The following CYP2A13 variants were observed in gnomAD, a reference collection of about 807,000 sequenced individuals.
CYP2A13 encodes cytochrome P450 family 2 subfamily A member 13.
In CYP2A13, 30 loss-of-function variants were observed where a neutral mutation model predicts 39.4. The ratio of observed to expected loss-of-function variants is 0.76; its 90% CI spans 0.57 to 1.03. The LOEUF is 1.03. Among genes scored for constraint, CYP2A13 ranks in the 50% least tolerant of loss-of-function variants. The pLI is 0.00. For missense variants in CYP2A13, 731 were observed against 648.4 expected, an observed-to-expected ratio of 1.13 and a Z score of -1.38; for synonymous variants, 269 against 254.7, an observed-to-expected ratio of 1.06 and a Z score of -0.54.
rs1448958702 is a variant in CYP2A13, at chr19:41,092,111, T to A, written c.831+203T>A. On this transcript the variant is annotated intron_variant, in intron 5 of 8. Transcript: ENST00000330436. ...CAGGTGGATCACCTGAGGTCAGGAG[T>A]TCGAGACCAGCCTGGCCAACATGGT... Among the ~76,000 whole-genome samples, 8 of 151,412 alleles carry A rather than the reference T, an allele frequency of 5.3e-5. 1 individual carries two copies. Among genetic ancestry groups the A allele is most frequent in the Admixed American group, 5.3e-4 (8 of 15,198 alleles).
chr19:41,089,114 G>C, intron 2 of CYP2A13, 23 bp downstream of exon 2: 6 of 1,611,454 alleles, frequency 3.7e-6, no homozygotes, highest in Non-Finnish European at 5.1e-6. Flanking sequence ...CCAAGAGGGG[G>C]AAGGTGGCCA....
chr19:41,090,860 G>A (rs1031385833), intron 4 of CYP2A13, among the ~76,000 whole-genome samples: 5 of 152,112 alleles, frequency 3.3e-5, no homozygotes, highest in African/African-American at 7.2e-5. Context: ...CCAACTTACC[G>A]TAATTTGTAA....
chr19:41,090,260 G>A (rs2031158155), intron 3 of CYP2A13, 64 bp downstream of exon 3: 1 of 1,557,584 alleles, frequency 6.4e-7, no homozygotes, highest in African/African-American at 1.4e-5. Context: ...ATGGGGACTA[G>A]GTGGGGAAAG....
At chr19:41,088,680 C>A (rs376851582) in intron 1 of CYP2A13, 29 bp downstream of exon 1, 13 of 1,599,688 alleles carry the variant, frequency 8.1e-6, no homozygotes, top group Non-Finnish European at 1.0e-5. Flanking sequence ...ATGGGTGGCA[C>A]GGGGTGGGGG....
rs2031274970 is a variant in CYP2A13, at chr19:41,095,062, A to G, written c.1265A>G (p.Gln422Arg). 1 of 1,614,004 alleles carries G rather than the reference A, an allele frequency of 6.2e-7. No homozygotes were observed. Among genetic ancestry groups the G allele is most frequent in the African/African-American group, 1.3e-5 (1 of 74,896 alleles). ...NPQHFLDKKG[Q>R]FKKSDAFVPF... is the part of the protein sequence containing the mutation. ...CAGCACTTCCTGGATAAGAAGGGGC[A>G]GTTTAAGAAGAGTGATGCTTTTGTG... Residue 422 changes from glutamine (Q) to arginine (R), a missense_variant, in exon 8 of 9, where the codon CAG becomes CGG. Gln to Arg is a conservative substitution (Grantham distance 43). Coordinates refer to ENST00000330436, the MANE Select transcript of CYP2A13 (RefSeq NM_000766.5).
chr19:41,093,778 C>T lies in CYP2A13; in HGVS notation c.973+7C>T. ...AAGCACCCAGAGGTGGAGGGTAAGACTGGAAAGGGAGGAAAGTGAAGGGCC... is the reference window on the plus strand; with the variant it reads ...AAGCACCCAGAGGTGGAGGGTAAGATTGGAAAGGGAGGAAAGTGAAGGGCC... On this transcript the variant is annotated splice_region_variant and intron_variant, in intron 6 of 8. Transcript: ENST00000330436. The T allele has an allele frequency of 6.2e-7, 1 of 1,613,646 alleles. No homozygotes were observed.
intron 4 of CYP2A13, 62 bp from the exon 5 acceptor site, chr19:41,091,670 C>A (rs1164064084): frequency 7.5e-5 from 119 of 1,591,280 alleles, no homozygotes; most frequent in Non-Finnish European, 1.0e-4. Flanking sequence ...AATCCCCATT[C>A]CCATCAGCTC....
intron 2 of CYP2A13, among the ~76,000 whole-genome samples, chr19:41,089,767 T>C (rs549914382): frequency 2.7e-5 from 4 of 149,664 alleles, no homozygotes; most frequent in African/African-American, 9.9e-5. Context: ...GTCTGGCCTT[T>C]CTGCTTCTCT....
Position 41,091,799 on chromosome 19 carries a change from T to G in CYP2A13, c.722T>G (p.Leu241Arg). The change falls in exon 5 of 9, where the codon CTG (leucine) becomes CGG (arginine). Residue 241 changes from leucine to arginine, a missense_variant. Transcript: ENST00000330436. ...CCACAGCAACAGGCCTTTAAGGAGC[T>G]GCAAGGGCTGGAGGACTTCATCGCC... ...PGPQQQAFKE[L>R]QGLEDFIAKK... 1 of 1,614,144 alleles carries G rather than the reference T, an allele frequency of 6.2e-7. No individual in the cohort carries two copies. Among genetic ancestry groups the G allele is most frequent in the East Asian group, 2.2e-5 (1 of 44,882 alleles).
chr19:41,094,271 G>C lies in CYP2A13; in HGVS notation c.1000G>C (p.Val334Leu), dbSNP rs1348646392. 1 of 1,614,000 alleles carries C rather than the reference G, an allele frequency of 6.2e-7. No homozygotes were observed. The highest frequency in any genetic ancestry group is 1.3e-5 in the African/African-American group (1 of 74,902). ...EAKVHEEIDR[V>L]IGKNRQPKFE... ...CAAGGTCCATGAGGAGATTGACAGA[G>C]TGATCGGCAAGAACCGGCAGCCCAA... The change falls in exon 7 of 9, where the codon GTG becomes CTG. Residue 334 changes from valine to leucine, a missense_variant. Coordinates refer to ENST00000330436, the MANE Select transcript of CYP2A13 (RefSeq NM_000766.5).
chr19:41,089,314 CCTT>C (rs1046325918), intron 2 of CYP2A13, among the ~76,000 whole-genome samples: 5 of 152,088 alleles, frequency 3.3e-5, no homozygotes, highest in Non-Finnish European at 5.9e-5. Context: ...CCCGTCTCCT[CCTT>C]CTCTCTCACT....
chr19:41,090,161 CG>C lies in CYP2A13; in HGVS notation c.461del (p.Gly154AlafsTer21). On this transcript the variant is annotated frameshift_variant, in exon 3 of 9. Transcript: ENST00000330436. LOFTEE classifies it high-confidence loss of function. ...ATCGAGGAACGCATCCAGGAGGAGG[CG>C]GGCTTCCTCATCGACGCCCTCCGGG... ...RGIEERIQEEAGFLIDALRGT... is the reference protein window; with the variant it reads ...RGIEERIQEEXGFLIDALRGT... 1 of 1,591,292 alleles carries C rather than the reference CG, an allele frequency of 6.3e-7. No individual in the cohort carries two copies. Among genetic ancestry groups the C allele is most frequent in the Non-Finnish European group, 8.6e-7 (1 of 1,167,830 alleles).
intron 6 of CYP2A13, 29 bp downstream of exon 6, chr19:41,093,800 G>T: frequency 6.2e-7 from 1 of 1,611,330 alleles, no homozygotes; most frequent in Non-Finnish European, 8.5e-7. Context: ...GAAAGTGAAG[G>T]GCCCCAGACC....
In CYP2A13 at chr19:41,094,265, G is replaced by A. The variant is rs2031251937; in HGVS notation, c.994G>A (p.Asp332Asn). The change falls in exon 7 of 9, where the codon GAC becomes AAC. Residue 332 changes from aspartate to asparagine, a missense_variant. Physicochemically the swap from Asp to Asn is conservative, Grantham distance 23 (BLOSUM62 1). Transcript: ENST00000330436. ...EVEAKVHEEI[D>N]RVIGKNRQPK... is the part of the protein sequence containing the mutation. ...CCCAGCCAAGGTCCATGAGGAGATT[G>A]ACAGAGTGATCGGCAAGAACCGGCA... 2.5e-6 allele frequency: 4 copies of A among 1,613,982 alleles called. No homozygotes were observed. Among genetic ancestry groups the A allele is most frequent in the Non-Finnish European group, 3.4e-6 (4 of 1,180,004 alleles).
At chr19:41,092,312 TAAAAAAAA>T (rs529985444) in intron 5 of CYP2A13, among the ~76,000 whole-genome samples, 3 of 53,782 alleles carry the variant, frequency 5.6e-5, no homozygotes, top group Non-Finnish European at 1.0e-4. Context: ...CAAGACCCTG[TAAAAAAAA>T]AAAAAAAAAA....
intron 5 of CYP2A13, 52 bp from the exon 6 acceptor site, chr19:41,093,578 G>A: frequency 6.2e-7 from 1 of 1,609,996 alleles, no homozygotes; most frequent in Non-Finnish European, 8.5e-7. Context: ...GCCCTAGAAG[G>A]GCCCCAAGAG....
chr19:41,090,086 G>C lies in CYP2A13; in HGVS notation c.383G>C (p.Arg128Pro), dbSNP rs2031149593. The C allele has an allele frequency of 6.2e-7, 1 of 1,612,816 alleles. No homozygotes were observed. The change falls in exon 3 of 9, where the codon CGG becomes CCG. Residue 128 changes from arginine (R) to proline (P), a missense_variant. Coordinates refer to ENST00000330436, the MANE Select transcript of CYP2A13 (RefSeq NM_000766.5). Reference sequence around the variant, plus strand: ...AACGGGGAGCGCGCCAAGCAGCTCCGGCGCTTCTCCATCGCCACCCTAAGG... The same window carrying C: ...AACGGGGAGCGCGCCAAGCAGCTCCCGCGCTTCTCCATCGCCACCCTAAGG... The part of the protein sequence containing the change: ...FSNGERAKQL[R>P]RFSIATLRGF...
intron 3 of CYP2A13, 70 bp downstream of exon 3, chr19:41,090,266 G>C: frequency 6.4e-7 from 1 of 1,557,826 alleles, no homozygotes; most frequent in Middle Eastern, 1.9e-4. Flanking sequence ...ACTAGGTGGG[G>C]AAAGGGGCCC....
intron 5 of CYP2A13, among the ~76,000 whole-genome samples, chr19:41,093,364 A>G (rs912219945): frequency 4.6e-5 from 7 of 152,026 alleles, no homozygotes; most frequent in Admixed American, 4.6e-4. Flanking sequence ...CCAAGTCTGT[A>G]TAAGAAAAAA....
Sources: gnomAD v4.1 joint callset for allele counts (sites outside exome capture counted in the v4.1 genomes callset) on GRCh38, gnomAD v4.1.1 for gene constraint, MANE v1.5 for transcripts, NCBI Gene and HGNC (gene_info 2026-07-23, HGNC 2026-07-21) for gene names.